The following MED12L variants were observed in gnomAD, a reference collection of about 807,000 sequenced individuals.
MED12L encodes the protein mediator complex subunit 12L.
In MED12L, 60 loss-of-function variants were observed where a neutral mutation model predicts 281.3. The observed-to-expected ratio is 0.21, with a 90% CI of 0.17 to 0.26. MED12L has a LOEUF of 0.26. MED12L is among the 10% of genes least tolerant of loss of function. MED12L has a pLI of 1.00. For synonymous variants in MED12L, 974 were observed against 987.2 expected, an observed-to-expected ratio of 0.99 and a Z score of 0.25; for missense variants, 2,146 against 2,680.9, an observed-to-expected ratio of 0.80 and a Z score of 4.41.
rs566585720 is a variant in MED12L at position 151,215,888 on chromosome 3, C to T, written c.2250+22222C>T. Among the ~76,000 whole-genome samples, 6 of 152,308 alleles carry T rather than the reference C, an allele frequency of 3.9e-5. No homozygotes were observed. The East Asian group carries it at 1.2e-3, about 29-fold the overall frequency. ...TTTAGGTTCTGTGATTTCTCTCAGCCTGGACCTTTGCACAGACTTTCATTT... is the reference window on the plus strand; with the variant it reads ...TTTAGGTTCTGTGATTTCTCTCAGCTTGGACCTTTGCACAGACTTTCATTT... On this transcript the variant is annotated intron_variant, in intron 16 of 44. Coordinates refer to ENST00000687756, the MANE Select transcript of MED12L (RefSeq NM_001393769.1).
intron 12 of MED12L, 48 bp from the exon 13 acceptor site, chr3:151,188,306 A>G (rs748735398): frequency 1.4e-6 from 2 of 1,481,172 alleles, no homozygotes; most frequent in Non-Finnish European, 1.9e-6. Flanking sequence ...ATGATCTGTT[A>G]TGACTATACT....
chr3:151,410,315 C>T (rs1716798641), intron 40 of MED12L, among the ~76,000 whole-genome samples: 1 of 152,208 alleles, frequency 6.6e-6, no homozygotes, highest in Admixed American at 6.5e-5. Context: ...GGGGTGTTGG[C>T]AAGATTGCTA....
chr3:151,383,632 G>T (rs538270629), intron 33 of MED12L, 147 bp from the exon 34 acceptor site: 73 of 575,540 alleles, frequency 1.3e-4, no homozygotes, highest in Non-Finnish European at 2.2e-4. Flanking sequence ...AAACATGTAG[G>T]TAAAAGAGAA....
chr3:151,149,644 C>G (rs981648749), intron 5 of MED12L, among the ~76,000 whole-genome samples: 3 of 152,076 alleles, frequency 2.0e-5, no homozygotes, highest in Non-Finnish European at 4.4e-5. Context: ...CATTCATTGA[C>G]TCTTCATTTT....
At chr3:151,372,869 C>A in intron 27 of MED12L, 103 bp downstream of exon 27, 1 of 784,210 alleles carries the variant, frequency 1.3e-6, no homozygotes, top group Non-Finnish European at 2.0e-6. Flanking sequence ...GCCTTTTTTT[C>A]TTGCTCACTT....
At chr3:151,087,649 T>C (rs936621352) in intron 2 of MED12L, among the ~76,000 whole-genome samples, 1 of 152,194 alleles carries the variant, frequency 6.6e-6, no homozygotes, top group Non-Finnish European at 1.5e-5. Flanking sequence ...TTTGTATACG[T>C]AAAAGCAGGC....
chr3:151,204,894 C>T (rs1559875130), intron 16 of MED12L, among the ~76,000 whole-genome samples: 1 of 152,170 alleles, frequency 6.6e-6, no homozygotes, highest in Admixed American at 6.5e-5. Context: ...AACAATTGTA[C>T]TTAAAAATCT....
At chr3:151,118,113 G>A (rs534754238) in intron 3 of MED12L, among the ~76,000 whole-genome samples, 23 of 144,874 alleles carry the variant, frequency 1.6e-4, no homozygotes, top group Admixed American at 9.6e-4. Flanking sequence ...AAAAAGGAAT[G>A]TAAATAGAAT....
chr3:151,411,380 A>G lies in MED12L; in HGVS notation c.6013A>G (p.Arg2005Gly), dbSNP rs1423433076. 2 of 1,614,224 alleles carry G rather than the reference A, an allele frequency of 1.2e-6. No homozygotes were observed. The highest frequency in any genetic ancestry group is 2.2e-5 in the South Asian group (2 of 91,090). Residue 2005 changes from arginine (R) to glycine (G), a missense_variant, in exon 41 of 45, where the codon AGA (arginine) becomes GGA (glycine). Coordinates refer to ENST00000687756, the MANE Select transcript of MED12L (RefSeq NM_001393769.1). ...GGTCCTGTCTCCCAGCTATAACTCCAGAGCCTATCCGGCCGCACATTCCAA... is the reference window on the plus strand; with the variant it reads ...GGTCCTGTCTCCCAGCTATAACTCCGGAGCCTATCCGGCCGCACATTCCAA... ...SVVLSPSYNS[R>G]AYPAAHSNPV...
At chr3:151,424,835 C>T (rs1359302657) in intron 43 of MED12L, among the ~76,000 whole-genome samples, 1 of 152,120 alleles carries the variant, frequency 6.6e-6, no homozygotes, top group Non-Finnish European at 1.5e-5. Flanking sequence ...TAGGGACGGA[C>T]GACCATGCTT....
chr3:151,128,752 C>A (rs554699480), intron 5 of MED12L, among the ~76,000 whole-genome samples: 2 of 152,156 alleles, frequency 1.3e-5, no homozygotes, highest in Non-Finnish European at 2.9e-5. Context: ...TATGTTCTCA[C>A]GTTATTATTT....
At chr3:151,230,295 G>A (rs996527105) in intron 16 of MED12L, among the ~76,000 whole-genome samples, 2 of 152,182 alleles carry the variant, frequency 1.3e-5, no homozygotes, top group Non-Finnish European at 2.9e-5. Context: ...TTGAATATGC[G>A]TGTCTGTTTT....
Position 151,435,062 on chromosome 3 carries a change from C to CTTTTTTTTTTTTTTTTTTTT in MED12L, c.*2259_*2278dup, listed in dbSNP as rs66791814. The CTTTTTTTTTTTTTTTTTTTT allele has an allele frequency of 9.2e-5, 11 of 119,084 alleles. 1 individual carries two copies. Among genetic ancestry groups the CTTTTTTTTTTTTTTTTTTTT allele is most frequent in the Non-Finnish European group, 1.7e-4 (10 of 57,276 alleles). 7.4% of individuals were successfully genotyped at this position (119,084 alleles called of 1,614,324 possible). A position where few individuals can be genotyped will look rare whatever the true frequency, so the allele number is the denominator to read the frequency against. On this transcript the variant is annotated 3_prime_UTR_variant, in exon 45 of 45. Transcript: ENST00000687756. ...GTTAATTCTGTATCTTGAGAGGTTT[C>CTTTTTTTTTTTTTTTTTTTT]TTTTTTTTTTTTTTTTTTTTCTTTT...
At position 151,122,994 on chromosome 3, in the gene MED12L, T is replaced by C. The variant is rs1713986350; in HGVS notation, c.396+20T>C. The C allele has an allele frequency of 6.4e-7, 1 of 1,559,480 alleles. No individual in the cohort carries two copies. Among genetic ancestry groups the C allele is most frequent in the African/African-American group, 1.4e-5 (1 of 73,546 alleles). ...AAAAAGGTATCAAATATTTCTTACA[T>C]TGTTTTAGTTATGGTCTTATAATCA... On this transcript the variant is annotated intron_variant, in intron 4 of 44. Transcript: ENST00000687756.
At chr3:151,248,575 G>A (rs1736215661) in intron 16 of MED12L, among the ~76,000 whole-genome samples, 1 of 151,914 alleles carries the variant, frequency 6.6e-6, no homozygotes, top group South Asian at 2.1e-4. Context: ...ATACCCATCC[G>A]ACTGTCTGGA....
intron 16 of MED12L, among the ~76,000 whole-genome samples, chr3:151,247,684 T>C (rs1051596288): frequency 6.8e-5 from 10 of 146,508 alleles, no homozygotes; most frequent in African/African-American, 2.0e-4. Flanking sequence ...GTGGGTGCAG[T>C]GCACCAGCAT....
chr3:151,096,641 G>A (rs1720752357), intron 2 of MED12L, among the ~76,000 whole-genome samples: 1 of 152,136 alleles, frequency 6.6e-6, no homozygotes, highest in South Asian at 2.1e-4. Context: ...GGGAGATTCT[G>A]TAGGTCTGCT....
At chr3:151,358,812 T>C (rs1016160237) in intron 20 of MED12L, among the ~76,000 whole-genome samples, 4 of 152,148 alleles carry the variant, frequency 2.6e-5, no homozygotes, top group African/African-American at 9.7e-5. Context: ...TGCTTGCAAA[T>C]CAAAGAAGTT....
chr3:151,247,959 CTTCTTTTTTT>C (rs1736025861), intron 16 of MED12L, among the ~76,000 whole-genome samples: 1 of 65,454 alleles, frequency 1.5e-5, no homozygotes, highest in Non-Finnish European at 2.8e-5. Flanking sequence ...TCTTCTTCTT[CTTCTTTTTTT>C]TTTTTTTTTT....
Sources: gnomAD v4.1 joint callset for allele counts (sites outside exome capture counted in the v4.1 genomes callset) on GRCh38, gnomAD v4.1.1 for gene constraint, MANE v1.5 for transcripts, NCBI Gene and HGNC (gene_info 2026-07-23, HGNC 2026-07-21) for gene names.